C8orf34: variants seen among roughly 807,000 people sequenced by gnomAD.
The protein encoded by C8orf34 is uncharacterized protein C8orf34.
In C8orf34, 65 loss-of-function variants were observed where a neutral mutation model predicts 68.3. The observed-to-expected ratio is 0.95, with a 90% confidence interval of 0.78 to 1.17. C8orf34 has a LOEUF of 1.17. Among genes scored for constraint, C8orf34 ranks in the 50% most tolerant of loss-of-function variants. The pLI is 0.00. For synonymous variants in C8orf34, 244 were observed against 241.2 expected, an observed-to-expected ratio of 1.01 and a Z score of -0.11; for missense variants, 664 against 655.4, an observed-to-expected ratio of 1.01 and a Z score of -0.14.
chr8:68,673,256 G>T (rs760836424), intron 8 of C8orf34, among the ~76,000 whole-genome samples: 46 of 151,804 alleles, frequency 3.0e-4, no homozygotes, highest in Non-Finnish European at 6.3e-4. Flanking sequence ...AAGAGTAAAG[G>T]AGACTTTGTT....
intron 5 of C8orf34, among the ~76,000 whole-genome samples, chr8:68,501,200 C>A (rs1586269661): frequency 6.6e-6 from 1 of 152,278 alleles, no homozygotes; most frequent in Middle Eastern, 3.4e-3. Context: ...TCTATTCTAA[C>A]AATGAACCCA....
At chr8:68,419,661 A>G (rs891869753) in intron 1 of C8orf34, among the ~76,000 whole-genome samples, 302 of 151,974 alleles carry the variant, frequency 2.0e-3, no homozygotes, top group Non-Finnish European at 3.0e-3. Context: ...AAAAATGATG[A>G]GTTCATGTCC....
chr8:68,763,525 A>C (rs559265444), intron 10 of C8orf34, among the ~76,000 whole-genome samples: 1 of 152,300 alleles, frequency 6.6e-6, no homozygotes, highest in Non-Finnish European at 1.5e-5. Flanking sequence ...AAACAAATGT[A>C]GTCAATTTTG....
At chr8:68,729,778 C>T (rs1821930051) in intron 10 of C8orf34, among the ~76,000 whole-genome samples, 1 of 152,068 alleles carries the variant, frequency 6.6e-6, no homozygotes, top group African/African-American at 2.4e-5. Context: ...TATACATATT[C>T]CTGCTTTATA....
intron 10 of C8orf34, among the ~76,000 whole-genome samples, chr8:68,732,148 A>G (rs1280781282): frequency 3.9e-5 from 6 of 152,236 alleles, no homozygotes; most frequent in African/African-American, 1.4e-4. Flanking sequence ...TCCTCAGGCT[A>G]AAGTCCTTAA....
intron 7 of C8orf34, among the ~76,000 whole-genome samples, chr8:68,551,890 A>G (rs1232005190): frequency 6.6e-6 from 1 of 152,042 alleles, no homozygotes; most frequent in East Asian, 1.9e-4. Context: ...TGTTGAGTTC[A>G]TTTTTATTTA....
chr8:68,732,067 T>C (rs1300184645), intron 10 of C8orf34, among the ~76,000 whole-genome samples: 4 of 152,224 alleles, frequency 2.6e-5, no homozygotes, highest in African/African-American at 7.2e-5. Flanking sequence ...CTGGTTAAGA[T>C]TGCGTCTGAG....
At chr8:68,637,900 A>C (rs1357394484) in intron 7 of C8orf34, among the ~76,000 whole-genome samples, 1 of 152,126 alleles carries the variant, frequency 6.6e-6, no homozygotes, top group Non-Finnish European at 1.5e-5. Context: ...GCAATCAATG[A>C]GCTTGAAGGT....
intron 1 of C8orf34, among the ~76,000 whole-genome samples, chr8:68,332,445 A>G (rs1043533716): frequency 3.6e-5 from 4 of 111,924 alleles, no homozygotes; most frequent in African/African-American, 1.3e-4. Context: ...GTTTGGGGTG[A>G]GGGCTTGGTA....
chr8:68,697,275 C>T (rs1820863179), intron 8 of C8orf34, among the ~76,000 whole-genome samples: 1 of 151,994 alleles, frequency 6.6e-6, no homozygotes, highest in African/African-American at 2.4e-5. Flanking sequence ...GTTATTGTTA[C>T]ACTATTGAGA....
intron 3 of C8orf34, among the ~76,000 whole-genome samples, chr8:68,466,497 A>C (rs1008491885): frequency 7.1e-6 from 1 of 141,410 alleles, no homozygotes; most frequent in Non-Finnish European, 1.6e-5. Flanking sequence ...TTTCATGTAT[A>C]CCTTATATAT....
chr8:68,419,981 TAA>T (rs201937815), intron 1 of C8orf34, among the ~76,000 whole-genome samples: 5 of 68,964 alleles, frequency 7.3e-5, no homozygotes, highest in African/African-American at 2.6e-4. Context: ...AGTATAATAA[TAA>T]AAAAAAAAAA....
At chr8:68,691,041 C>T (rs1458498812) in intron 8 of C8orf34, among the ~76,000 whole-genome samples, 2 of 152,048 alleles carry the variant, frequency 1.3e-5, no homozygotes, top group Admixed American at 6.6e-5. Context: ...ATCCTTTTTG[C>T]ACCTGCTGGT....
chr8:68,690,981 A>G (rs1161881195), intron 8 of C8orf34, among the ~76,000 whole-genome samples: 1 of 152,062 alleles, frequency 6.6e-6, no homozygotes, highest in Non-Finnish European at 1.5e-5. Context: ...CATCTTCCAT[A>G]TGGAAGTTTT....
At position 68,794,501 on chromosome 8, in the gene C8orf34, A is replaced by AT. The variant is rs1376098308; in HGVS notation, c.1549+6966dup. 4.8e-4 allele frequency among the ~76,000 whole-genome samples: 39 copies of AT among 81,894 alleles called. 1 individual carries two copies. Among genetic ancestry groups the AT allele is most frequent in the Non-Finnish European group, 6.5e-4 (31 of 47,446 alleles). 53.7% of individuals were successfully genotyped at this position (81,894 alleles called of 152,430 possible). The stretch of plus-strand genomic sequence containing the variant: ...AATATAAATATATATATATATATAT[A>AT]TATATTTTTTTTTTTTTTTTTTAGA... On this transcript the variant is annotated intron_variant, in intron 12 of 13. Coordinates refer to ENST00000518698, the MANE Select transcript of C8orf34 (RefSeq NM_052958.4).
chr8:68,696,172 A>C (rs1469664252), intron 8 of C8orf34, among the ~76,000 whole-genome samples: 5 of 149,668 alleles, frequency 3.3e-5, no homozygotes, highest in Non-Finnish European at 5.9e-5. Context: ...TCAAGGGGAG[A>C]AAAAAAAAGA....
chr8:68,535,977 GC>G, intron 7 of C8orf34: 1 of 560,508 alleles, frequency 1.8e-6, no homozygotes, highest in Non-Finnish European at 2.3e-6. Flanking sequence ...AATCGTTCTG[GC>G]AATTAATGAC....
intron 4 of C8orf34, among the ~76,000 whole-genome samples, chr8:68,479,537 G>C (rs1005792650): frequency 6.6e-6 from 1 of 152,128 alleles, no homozygotes; most frequent in African/African-American, 2.4e-5. Flanking sequence ...AGGAGAGGGA[G>C]AGAAGATAAT....
At position 68,713,762 on chromosome 8, in the gene C8orf34, GA is replaced by G. The variant is rs1216518155; in HGVS notation, c.1327+4687del. 8.5e-5 allele frequency among the ~76,000 whole-genome samples: 13 copies of G among 152,128 alleles called. No homozygotes were observed. In the South Asian group the frequency reaches 2.3e-3, roughly 27 times the overall value. The stretch of plus-strand genomic sequence containing the variant: ...AATTGGCACTATATCAAAAGGTAGA[GA>G]AAAGGGTAATCCTTTCTAAATCATT... On this transcript the variant is annotated intron_variant, in intron 9 of 13. Transcript: ENST00000518698.
Sources: allele counts gnomAD v4.1 joint callset (sites outside exome capture counted in the v4.1 genomes callset), GRCh38; gene constraint gnomAD v4.1.1; transcripts MANE v1.5; gene names NCBI Gene and HGNC (gene_info 2026-07-23, HGNC 2026-07-21).